The following KCNQ1 variants were observed in gnomAD, a reference collection of about 807,000 sequenced individuals.
The protein encoded by KCNQ1 is potassium voltage-gated channel subfamily Q member 1.
KCNQ1 carries 49 observed loss-of-function variants against 72.4 expected under a neutral mutation model. That is an observed-to-expected ratio of 0.68 (90% CI 0.54 to 0.86). The LOEUF is 0.86. Among genes scored for constraint, KCNQ1 ranks in the 40% least tolerant of loss-of-function variants. KCNQ1 has a pLI of 0.00. For missense variants in KCNQ1, 790 were observed against 945.1 expected (o/e 0.84, Z 2.15); for synonymous variants, 450 against 412.6 (o/e 1.09, Z -1.10).
Position 2,617,122 on chromosome 11 carries a change from C to G in KCNQ1, c.1393+28268C>G, listed in dbSNP as rs1174261100. 2 of 397,994 alleles carry G rather than the reference C, an allele frequency of 5.0e-6. No individual in the cohort carries two copies. Among genetic ancestry groups the G allele is most frequent in the African/African-American group, 4.1e-5 (2 of 48,552 alleles). 24.7% of individuals were successfully genotyped at this position (397,994 alleles called of 1,614,324 possible). ...ATGATCTACTCAATTGGCAAAAATTCCAAATGCAATATACTAACTATTCTC... is the reference window on the plus strand; with the variant it reads ...ATGATCTACTCAATTGGCAAAAATTGCAAATGCAATATACTAACTATTCTC... On this transcript the variant is annotated intron_variant, in intron 10 of 15. Transcript: ENST00000155840. This position sits in a 1 kb window ranked among gnomAD's most constrained non-coding sequence, Gnocchi z 4.6.
In KCNQ1 at chr11:2,537,863, G is replaced by A. The variant is rs745504222; in HGVS notation, c.477+9845G>A. ...CCTGAGCAGCTGGGACTGTGGGTGCGTGCCACCATGCCCCGCTAATTTTTG... is the reference window on the plus strand; with the variant it reads ...CCTGAGCAGCTGGGACTGTGGGTGCATGCCACCATGCCCCGCTAATTTTTG... On this transcript the variant is annotated intron_variant, in intron 2 of 15. Transcript: ENST00000155840. This position sits in a 1 kb window ranked among gnomAD's most constrained non-coding sequence, Gnocchi z 5.2. Among the ~76,000 whole-genome samples, 5 of 152,054 alleles carry A rather than the reference G, an allele frequency of 3.3e-5. No individual in the cohort carries two copies. Among genetic ancestry groups the A allele is most frequent in the Admixed American group, 6.5e-5 (1 of 15,270 alleles).
intron 2 of KCNQ1, among the ~76,000 whole-genome samples, chr11:2,570,125 G>A (rs1371643703): frequency 2.0e-5 from 3 of 152,038 alleles, no homozygotes; most frequent in African/African-American, 7.3e-5. Flanking sequence ...CTCTGACCCA[G>A]GCTAGGGTTC....
At chr11:2,693,904 G>A in intron 11 of KCNQ1, 1 of 398,816 alleles carries the variant, frequency 2.5e-6, no homozygotes, top group Non-Finnish European at 4.4e-6. Context: ...TCCTCCTGGA[G>A]TGTACTGCAA....
chr11:2,736,275 G>T (rs1349770237), intron 11 of KCNQ1, among the ~76,000 whole-genome samples: 6 of 152,220 alleles, frequency 3.9e-5, no homozygotes, highest in Non-Finnish European at 8.8e-5. Flanking sequence ...AAGTCTTGGG[G>T]ACCTAATGGG....
chr11:2,665,665 T>A (rs1850054508), intron 11 of KCNQ1: 2 of 397,888 alleles, frequency 5.0e-6, no homozygotes, highest in African/African-American at 4.1e-5. Flanking sequence ...ACCAGTTCCC[T>A]AAGCCTTTCG....
At position 2,566,761 on chromosome 11, in the gene KCNQ1, G is replaced by C. The variant is rs907226702; in HGVS notation, c.478-3867G>C. On this transcript the variant is annotated intron_variant, in intron 2 of 15. Coordinates refer to ENST00000155840, the MANE Select transcript of KCNQ1 (RefSeq NM_000218.3). This position sits in a 1 kb window ranked among gnomAD's most constrained non-coding sequence, Gnocchi z 6.7. ...CCCGGGCCATTGCATCCTTGACCCC[G>C]GGGGGCTTGCAGGCACCACATAGAT... Among the ~76,000 whole-genome samples the C allele has an allele frequency of 6.6e-6, 1 of 152,142 alleles. No homozygotes were observed. The highest frequency in any genetic ancestry group is 2.4e-5 in the African/African-American group (1 of 41,418).
chr11:2,822,415 G>A (rs1338759832), intron 15 of KCNQ1, among the ~76,000 whole-genome samples: 3 of 152,198 alleles, frequency 2.0e-5, no homozygotes, highest in East Asian at 1.9e-4. Flanking sequence ...AGGAGGTGGA[G>A]GTGGGGAAAT....
At chr11:2,528,206 C>T (rs1412850230) in intron 2 of KCNQ1, among the ~76,000 whole-genome samples, 188 bp downstream of exon 2, 1 of 152,140 alleles carries the variant, frequency 6.6e-6, no homozygotes, top group Non-Finnish European at 1.5e-5. Flanking sequence ...GATGTATGTG[C>T]CACAGGCGAG....
rs991571131 is a variant in KCNQ1, at chr11:2,808,368, A to G, written c.1794+30331A>G. ...AAAATATACCATGTAATTACAGACC[A>G]GGAAAATTACTGTGCAGGAGCAAAG... is the stretch of plus-strand genomic sequence containing the variant. On this transcript the variant is annotated intron_variant, in intron 15 of 15. Coordinates refer to ENST00000155840, the MANE Select transcript of KCNQ1 (RefSeq NM_000218.3). This position sits in a 1 kb window ranked among gnomAD's most constrained non-coding sequence, Gnocchi z 6.0. Among the ~76,000 whole-genome samples the G allele has an allele frequency of 2.6e-5, 4 of 152,260 alleles. No individual in the cohort carries two copies. Among genetic ancestry groups the G allele is most frequent in the African/African-American group, 9.6e-5 (4 of 41,466 alleles).
At chr11:2,686,992 G>T in intron 11 of KCNQ1, 1 of 398,646 alleles carries the variant, frequency 2.5e-6, no homozygotes, top group South Asian at 1.3e-4. Context: ...ACTGGGCCCT[G>T]ACTTGCTAAG....
At position 2,617,717 on chromosome 11, in the gene KCNQ1, A is replaced by G. The variant is rs897243705; in HGVS notation, c.1393+28863A>G. 2.5e-6 allele frequency: 1 copy of G among 398,416 alleles called. No individual in the cohort carries two copies. Among genetic ancestry groups the G allele is most frequent in the Non-Finnish European group, 4.4e-6 (1 of 226,020 alleles). 24.7% of individuals were successfully genotyped at this position (398,416 alleles called of 1,614,324 possible). ...GTTCCCTAACCCTAGCCAACACTTA[A>G]TAGCTATTCTCATGAGTGTGAGGTG... On this transcript the variant is annotated intron_variant, in intron 10 of 15. Coordinates refer to ENST00000155840, the MANE Select transcript of KCNQ1 (RefSeq NM_000218.3). This position sits in a 1 kb window ranked among gnomAD's most constrained non-coding sequence, Gnocchi z 4.6.
intron 11 of KCNQ1, among the ~76,000 whole-genome samples, chr11:2,740,592 G>T (rs1407148675): frequency 1.3e-5 from 2 of 152,192 alleles, no homozygotes; most frequent in Non-Finnish European, 2.9e-5. Context: ...GGAGGGGCCT[G>T]GGTTAGTTTC....
intron 15 of KCNQ1, among the ~76,000 whole-genome samples, chr11:2,788,339 C>G (rs966162518): frequency 6.6e-6 from 1 of 152,202 alleles, no homozygotes; most frequent in Non-Finnish European, 1.5e-5. Context: ...AGGTCTGTTC[C>G]CTGGCGTAGC....
At position 2,769,071 on chromosome 11, in the gene KCNQ1, C is replaced by T; in HGVS notation, c.1590+152C>T. The T allele has an allele frequency of 5.4e-6, 4 of 736,454 alleles. No homozygotes were observed. 45.6% of individuals were successfully genotyped at this position (736,454 alleles called of 1,614,324 possible). A position where few individuals can be genotyped will look rare whatever the true frequency, so the allele number is the denominator to read the frequency against. On this transcript the variant is annotated intron_variant, in intron 12 of 15. Coordinates refer to ENST00000155840, the MANE Select transcript of KCNQ1 (RefSeq NM_000218.3). This position sits in a 1 kb window ranked among gnomAD's most constrained non-coding sequence, Gnocchi z 4.6. ...ACAGGCAGGCCTATCTGAGACCTGACAGTGCCTACCCCACCGAACCCCAGA... is the reference window on the plus strand; with the variant it reads ...ACAGGCAGGCCTATCTGAGACCTGATAGTGCCTACCCCACCGAACCCCAGA...
rs746209056 is a variant in KCNQ1, at chr11:2,776,972, G to A, written c.1686-14G>A. ...GGGCCAGGTGTGAACTGGTGTCTGTGTCCTTCTCTCCAGGCTGGACCAGTC... is the reference window on the plus strand; with the variant it reads ...GGGCCAGGTGTGAACTGGTGTCTGTATCCTTCTCTCCAGGCTGGACCAGTC... On this transcript the variant is annotated splice_polypyrimidine_tract_variant and intron_variant, in intron 13 of 15. Coordinates refer to ENST00000155840, the MANE Select transcript of KCNQ1 (RefSeq NM_000218.3). The A allele has an allele frequency of 4.3e-6, 7 of 1,613,950 alleles. No individual in the cohort carries two copies. The Admixed American group carries it at 1.0e-4, about 23-fold the overall frequency.
rs1228447581 is a variant in KCNQ1 at position 2,803,560 on chromosome 11, T to TG, written c.1794+25527dup. ...CAGGCACTGGCAGAGCTGGGGGTGATGGGGCTTCAGTGGAGCCCGCCAGGA... is the reference window on the plus strand; with the variant it reads ...CAGGCACTGGCAGAGCTGGGGGTGATGGGGGCTTCAGTGGAGCCCGCCAGGA... On this transcript the variant is annotated intron_variant, in intron 15 of 15. Coordinates refer to ENST00000155840, the MANE Select transcript of KCNQ1 (RefSeq NM_000218.3). The surrounding 1 kb of genome is among the most constrained non-coding windows in gnomAD (Gnocchi z 6.4). 2.0e-5 allele frequency among the ~76,000 whole-genome samples: 3 copies of TG among 152,046 alleles called. No homozygotes were observed. The highest frequency in any genetic ancestry group is 7.2e-5 in the African/African-American group (3 of 41,410).
rs554698707 is a variant in KCNQ1 at position 2,642,678 on chromosome 11, GTTAT to G, written c.1394-19280_1394-19277del. 8.3e-5 allele frequency: 33 copies of G among 397,398 alleles called. No individual in the cohort carries two copies. The highest frequency in any genetic ancestry group is 1.2e-4 in the Non-Finnish European group (28 of 225,576). The allele number at this position is 397,398 out of a possible 1,614,324, so 24.6% of individuals were successfully genotyped here. On this transcript the variant is annotated intron_variant, in intron 10 of 15. Transcript: ENST00000155840. The surrounding 1 kb of genome is among the most constrained non-coding windows in gnomAD (Gnocchi z 4.3). ...CTTGTTTAGTTCTGCTCTGATCTTCGTTATTTCTTTCCTTCTACTAATTTTATGT... is the reference window on the plus strand; with the variant it reads ...CTTGTTTAGTTCTGCTCTGATCTTCGTTCTTTCCTTCTACTAATTTTATGT...
intron 15 of KCNQ1, among the ~76,000 whole-genome samples, chr11:2,843,007 C>T (rs1848245740): frequency 6.6e-6 from 1 of 152,248 alleles, no homozygotes; most frequent in African/African-American, 2.4e-5. Context: ...GCGGCACACA[C>T]ACGCCTGCCT....
chr11:2,644,649 T>C (rs1849638933), intron 10 of KCNQ1: 3 of 398,516 alleles, frequency 7.5e-6, no homozygotes, highest in Non-Finnish European at 1.3e-5. Context: ...CACTGGTATC[T>C]GCACATCTGG....
Sources: gnomAD v4.1 joint callset for allele counts (sites outside exome capture counted in the v4.1 genomes callset) on GRCh38, gnomAD v4.1.1 for gene constraint, Gnocchi (gnomAD v3.1) non-coding constraint, MANE v1.5 for transcripts, NCBI Gene and HGNC (gene_info 2026-07-23, HGNC 2026-07-21) for gene names.